TBC1D17: variants seen among roughly 807,000 people sequenced by gnomAD.
TBC1D17 encodes TBC1 domain family member 17.
TBC1D17 carries 69 observed loss-of-function variants against 78.8 expected under a neutral mutation model. The ratio of observed to expected loss-of-function variants is 0.88; its 90% CI spans 0.72 to 1.07. TBC1D17 has a LOEUF of 1.07. Ranked by LOEUF, TBC1D17 falls within the 50% of genes least tolerant of loss-of-function variation. TBC1D17 has a pLI of 0.00. For missense variants in TBC1D17, 957 were observed against 861.0 expected, an observed-to-expected ratio of 1.11 and a Z score of -1.39; for synonymous variants, 456 against 358.3, an observed-to-expected ratio of 1.27 and a Z score of -3.08.
In TBC1D17 at chr19:49,884,656, C is replaced by T. The variant is rs199499492; in HGVS notation, c.1345-3C>T. 4 of 1,614,166 alleles carry T rather than the reference C, an allele frequency of 2.5e-6. No individual in the cohort carries two copies. The highest frequency in any genetic ancestry group is 1.6e-4 in the Middle Eastern group (1 of 6,062). On this transcript the variant is annotated splice_polypyrimidine_tract_variant and splice_region_variant and intron_variant, in intron 12 of 16. Transcript: ENST00000221543. ...CTCTTTCCCCCCTCCTTCCGTCCCA[C>T]AGCAAGGGAACTTTGAAGAGAGCCA...
At chr19:49,881,960 C>G (rs947363887) in intron 5 of TBC1D17, 81 bp from the exon 6 acceptor site, 5 of 1,251,100 alleles carry the variant, frequency 4.0e-6, no homozygotes, top group African/African-American at 1.5e-5. Flanking sequence ...GCAGCTGGAA[C>G]CGATGTCGGC....
Position 49,888,622 on chromosome 19 carries a change from T to C in TBC1D17, c.1945T>C (p.Ter649GlnextTer37). 1 of 1,521,880 alleles carries C rather than the reference T, an allele frequency of 6.6e-7. No individual in the cohort carries two copies. The highest frequency in any genetic ancestry group is 8.8e-7 in the Non-Finnish European group (1 of 1,137,824). The allele number at this position is 1,521,880 out of a possible 1,614,324, so 94.3% of individuals were successfully genotyped here. Residue 649 changes from the stop codon to glutamine, a stop_lost, in exon 17 of 17, where the codon TAA becomes CAA. Transcript: ENST00000221543. ...PEEEDEGADS* is the reference protein window; with the variant it reads ...PEEEDEGADSQ ...GGAGGAGGACGAGGGCGCCGACTCC[T>C]AACCCCGCCAGGCAGCCTCGTTCTG...
chr19:49,880,259 T>C lies in TBC1D17; in HGVS notation c.196-20T>C. The C allele has an allele frequency of 6.2e-7, 1 of 1,613,556 alleles. No individual in the cohort carries two copies. The highest frequency in any genetic ancestry group is 8.5e-7 in the Non-Finnish European group (1 of 1,179,666). On this transcript the variant is annotated intron_variant, in intron 3 of 16. Transcript: ENST00000221543. ...TCTGAATCCATGGCCCCTTACTGTC[T>C]GCTCCTTTCCTCTCCTAAGGACTCC...
intron 1 of TBC1D17, 139 bp from the exon 2 acceptor site, chr19:49,878,004 C>G: frequency 1.3e-6 from 1 of 794,644 alleles, no homozygotes. Context: ...CTGGACCATT[C>G]TCCCCGCCTT....
In TBC1D17 at chr19:49,880,650, T is replaced by TCCCACACCAGGCCTGCC. The variant is rs573147418; in HGVS notation, c.319+251_319+267dup. On this transcript the variant is annotated intron_variant, in intron 4 of 16. Transcript: ENST00000221543. ...GGGCTCCCGGATTGGCTGTGGGTGC[T>TCCCACACCAGGCCTGCC]CCCACACCAGGCCTGCCCCTGAGGT... 3.2e-4 allele frequency among the ~76,000 whole-genome samples: 49 copies of TCCCACACCAGGCCTGCC among 152,256 alleles called. No individual in the cohort carries two copies. The East Asian group carries it at 7.9e-3, about 25-fold the overall frequency.
In TBC1D17 at chr19:49,880,298, C is replaced by T; in HGVS notation, c.215C>T (p.Ser72Leu). 1.2e-6 allele frequency: 2 copies of T among 1,614,090 alleles called. No individual in the cohort carries two copies. Among genetic ancestry groups the T allele is most frequent in the Non-Finnish European group, 8.5e-7 (1 of 1,179,980 alleles). Residue 72 changes from serine to leucine, a missense_variant, in exon 4 of 17, where the codon TCA becomes TTA. Ser to Leu is a moderately radical substitution (Grantham distance 145, BLOSUM62 -2). Transcript: ENST00000221543. ...CCTAAGGACTCCAGTGGGGGTGACT[C>T]ATGTGCTTCTGAGGAGGAACCAACC... The part of the protein sequence containing the change: ...FSKKDSSGGD[S>L]CASEEEPTFD...
At chr19:49,880,187 CTCT>C in intron 3 of TBC1D17, 89 bp from the exon 4 acceptor site, 1 of 1,513,536 alleles carries the variant, frequency 6.6e-7, no homozygotes. Flanking sequence ...CTCAGTTTCC[CTCT>C]TTATTCAATG....
At position 49,887,831 on chromosome 19, in the gene TBC1D17, C is replaced by A; in HGVS notation, c.1656C>A (p.Leu552=). The A allele has an allele frequency of 6.2e-7, 1 of 1,607,856 alleles. No individual in the cohort carries two copies. Residue 552 remains leucine, a synonymous_variant, in exon 15 of 17, where the codon CTC becomes CTA. Transcript: ENST00000221543. ...MLSGFGSNEI[L]KHINELTMKL... ...CCGGCTTCGGCTCCAATGAGATCCT[C>A]AAGGTGAGGCTCCGGCCCCGCCCCC...
rs1168098349 is a variant in TBC1D17 at position 49,880,283 on chromosome 19, C to T, written c.200C>T (p.Ser67Phe). 8.1e-6 allele frequency: 13 copies of T among 1,614,034 alleles called. No homozygotes were observed. Among genetic ancestry groups the T allele is most frequent in the South Asian group, 1.1e-5 (1 of 91,066 alleles). ...CTGCTCCTTTCCTCTCCTAAGGACTCCAGTGGGGGTGACTCATGTGCTTCT... is the reference window on the plus strand; with the variant it reads ...CTGCTCCTTTCCTCTCCTAAGGACTTCAGTGGGGGTGACTCATGTGCTTCT... Reference protein sequence around the residue: ...STQILFSKKDSSGGDSCASEE... With the variant: ...STQILFSKKDFSGGDSCASEE... The change falls in exon 4 of 17, where the codon TCC (serine) becomes TTC (phenylalanine). Residue 67 changes from serine to phenylalanine, a missense_variant. Ser to Phe is a radical substitution (Grantham distance 155). Coordinates refer to ENST00000221543, the MANE Select transcript of TBC1D17 (RefSeq NM_024682.3).
At chr19:49,885,072 G>T in intron 13 of TBC1D17, 1 of 355,718 alleles carries the variant, frequency 2.8e-6, no homozygotes. Flanking sequence ...ATCCCCACCT[G>T]GCTGTGGCTC....
chr19:49,880,547 T>C, intron 4 of TBC1D17, 145 bp downstream of exon 4: 4 of 1,143,664 alleles, frequency 3.5e-6, no homozygotes, highest in Non-Finnish European at 4.8e-6. Context: ...AGCATGGAAG[T>C]GAATGGGAAG....
rs1600450706 is a variant in TBC1D17 at position 49,884,344 on chromosome 19, C to T, written c.1218C>T (p.Thr406=). ...GLGLLNDILL[T]YCMYHFDLGY... ...GCCTGCTGAACGATATCCTCCTCAC[C>T]TACTGCATGTATCACTTCGACCTCG... is the stretch of plus-strand genomic sequence containing the variant. Residue 406 remains threonine (T), a synonymous_variant, in exon 11 of 17, where the codon ACC becomes ACT. Coordinates refer to ENST00000221543, the MANE Select transcript of TBC1D17 (RefSeq NM_024682.3). The T allele has an allele frequency of 6.2e-7, 1 of 1,614,110 alleles. No homozygotes were observed. Among genetic ancestry groups the T allele is most frequent in the Non-Finnish European group, 8.5e-7 (1 of 1,180,008 alleles).
At position 49,878,037 on chromosome 19, in the gene TBC1D17, CG is replaced by C. The variant is rs887288155; in HGVS notation, c.22-104del. 3.1e-6 allele frequency: 3 copies of C among 963,488 alleles called. No individual in the cohort carries two copies. In the African/African-American group the frequency reaches 5.0e-5, roughly 16 times the overall value. 59.7% of individuals were successfully genotyped at this position (963,488 alleles called of 1,614,324 possible). On this transcript the variant is annotated intron_variant, in intron 1 of 16. Coordinates refer to ENST00000221543, the MANE Select transcript of TBC1D17 (RefSeq NM_024682.3). ...CTTGGTCCCGGGGCAATGGCCCTCC[CG>C]GCCCCGCCCCCTGAGGGTGGCTCCT...
At position 49,881,422 on chromosome 19, in the gene TBC1D17, C is replaced by CG; in HGVS notation, c.479dup (p.Thr161HisfsTer45). The CG allele has an allele frequency of 6.2e-7, 1 of 1,612,398 alleles. No homozygotes were observed. The stretch of plus-strand genomic sequence containing the variant: ...CCCTGCCCGCACTGCACTTCCACCG[C>CG]GGGGGCACCCGCGCCCTGCTCCGCG... On this transcript the variant is annotated frameshift_variant, in exon 5 of 17. Transcript: ENST00000221543. LOFTEE classifies it high-confidence loss of function.
At chr19:49,887,241 C>T (rs1023460383) in intron 13 of TBC1D17, 2 of 532,834 alleles carry the variant, frequency 3.8e-6, no homozygotes, top group South Asian at 2.0e-5. Context: ...GGCGTCCTGC[C>T]TCCCTTCCAT....
At position 49,878,124 on chromosome 19, in the gene TBC1D17, C is replaced by T; in HGVS notation, c.22-19C>T. 5 of 1,561,820 alleles carry T rather than the reference C, an allele frequency of 3.2e-6. No individual in the cohort carries two copies. Among genetic ancestry groups the T allele is most frequent in the Non-Finnish European group, 4.3e-6 (5 of 1,152,898 alleles). On this transcript the variant is annotated intron_variant, in intron 1 of 16. Transcript: ENST00000221543. ...CCCCTCGCTTGGGCCCCAGCCCTCG[C>T]TGGTTCCCCCCAACTCAGGTGGTGT...
chr19:49,877,955 C>T, intron 1 of TBC1D17, 188 bp from the exon 2 acceptor site: 1 of 731,698 alleles, frequency 1.4e-6, no homozygotes, highest in Non-Finnish European at 2.2e-6. Flanking sequence ...TCCTTGAGCC[C>T]TGCCCCCTGT....
Position 49,888,548 on chromosome 19 carries a change from C to G in TBC1D17, c.1871C>G (p.Ser624Cys). The G allele has an allele frequency of 6.5e-7, 1 of 1,535,754 alleles. No individual in the cohort carries two copies. Among genetic ancestry groups the G allele is most frequent in the Non-Finnish European group, 8.7e-7 (1 of 1,145,522 alleles). The change falls in exon 17 of 17, where the codon TCC becomes TGC. Residue 624 changes from serine to cysteine, a missense_variant. By Grantham distance (112) the Ser-to-Cys change is moderately radical. Transcript: ENST00000221543. The stretch of plus-strand genomic sequence containing the variant: ...CGGGCCCCGCCCACCCCGCCGCCCT[C>G]CACGGACACAGCCCCGCAGCCCGAC... ...PTRAPPTPPPSTDTAPQPDSS... is the reference protein window; with the variant it reads ...PTRAPPTPPPCTDTAPQPDSS...
chr19:49,882,473 C>A, intron 7 of TBC1D17, 73 bp downstream of exon 7: 1 of 1,543,904 alleles, frequency 6.5e-7, no homozygotes, highest in Non-Finnish European at 8.7e-7. Context: ...TTTCCCTGGG[C>A]CTCAGTTTCC....
Sources: allele counts gnomAD v4.1 joint callset (sites outside exome capture counted in the v4.1 genomes callset), GRCh38; gene constraint gnomAD v4.1.1; transcripts MANE v1.5; gene names NCBI Gene and HGNC (gene_info 2026-07-23, HGNC 2026-07-21).